The following ZBTB20 variants were observed in gnomAD, a reference collection of about 807,000 sequenced individuals.
The protein encoded by ZBTB20 is zinc finger and BTB domain containing 20, also known as zinc finger and BTB domain-containing protein 20.
In ZBTB20, 9 loss-of-function variants were observed where a neutral mutation model predicts 56.9. The observed-to-expected ratio is 0.16, with a 90% CI of 0.10 to 0.28. The LOEUF (loss-of-function observed/expected upper bound fraction) is 0.28, where lower values mean the gene tolerates loss of function less well. ZBTB20 is among the 10% of genes least tolerant of loss of function. The pLI, the probability that ZBTB20 is intolerant of heterozygous loss-of-function variation, is 1.00. For missense variants in ZBTB20, 655 were observed against 1,003.0 expected (o/e 0.65, Z 4.69); for synonymous variants, 417 against 420.7 (o/e 0.99, Z 0.11).
At chr3:114,864,918 C>A (rs2075700295) in intron 4 of ZBTB20, among the ~76,000 whole-genome samples, 1 of 152,022 alleles carries the variant, frequency 6.6e-6, no homozygotes, top group Admixed American at 6.6e-5. Flanking sequence ...CCCTTTACGG[C>A]TGCCCTTAAT....
At chr3:114,502,868 G>A (rs1426900344) in intron 6 of ZBTB20, 2 of 147,772 alleles carry the variant, frequency 1.4e-5, no homozygotes, top group Non-Finnish European at 3.0e-5. Flanking sequence ...CTCTAACCTT[G>A]GGGAGAAGAA....
intron 7 of ZBTB20, among the ~76,000 whole-genome samples, chr3:114,433,082 T>C (rs907547670): frequency 6.6e-6 from 1 of 152,108 alleles, no homozygotes; most frequent in South Asian, 2.1e-4. Flanking sequence ...ATTAAAATAG[T>C]TTTACGTAGA....
chr3:114,385,843 G>C (rs556417092), intron 8 of ZBTB20, among the ~76,000 whole-genome samples: 5 of 152,172 alleles, frequency 3.3e-5, no homozygotes, highest in South Asian at 2.1e-4. Context: ...ACTGCAGCCT[G>C]GAGCAAGAAA....
Position 114,339,674 on chromosome 3 carries a change from G to T in ZBTB20, c.1805-248C>A, listed in dbSNP as rs2079616370. On this transcript the variant is annotated intron_variant, in intron 11 of 11. Coordinates refer to ENST00000675478, the MANE Select transcript of ZBTB20 (RefSeq NM_001348800.3). The surrounding 1 kb of genome is among the most constrained non-coding windows in gnomAD (Gnocchi z 4.2). ...TTCCATTTCCCTGTGCCATAAAACGGCTTTCTTGGAAAGCTACCAGATATT... is the reference window on the plus strand; with the variant it reads ...TTCCATTTCCCTGTGCCATAAAACGTCTTTCTTGGAAAGCTACCAGATATT... Among the ~76,000 whole-genome samples, 1 of 152,150 alleles carries T rather than the reference G, an allele frequency of 6.6e-6. No homozygotes were observed. The highest frequency in any genetic ancestry group is 1.5e-5 in the Non-Finnish European group (1 of 68,020).
intron 5 of ZBTB20, among the ~76,000 whole-genome samples, chr3:114,715,986 C>A (rs2064451981): frequency 6.6e-6 from 1 of 152,200 alleles, no homozygotes; most frequent in African/African-American, 2.4e-5. Flanking sequence ...ACCTCTGAGG[C>A]CCGTGGCCTC....
intron 6 of ZBTB20, among the ~76,000 whole-genome samples, chr3:114,535,542 A>C (rs1178168321): frequency 6.6e-6 from 1 of 152,192 alleles, no homozygotes; most frequent in South Asian, 2.1e-4. Context: ...ACGAATTCAC[A>C]GCTGAATTCT....
chr3:115,096,642 C>G (rs893332003), intron 1 of ZBTB20, among the ~76,000 whole-genome samples: 5 of 152,202 alleles, frequency 3.3e-5, no homozygotes, highest in African/African-American at 1.2e-4. Flanking sequence ...GCTGCTGCTT[C>G]AACATACCTT....
chr3:114,378,091 T>C (rs1474405023), intron 10 of ZBTB20, among the ~76,000 whole-genome samples: 1 of 151,828 alleles, frequency 6.6e-6, no homozygotes, highest in African/African-American at 2.4e-5. Flanking sequence ...GAATGACATT[T>C]GAAAGTAAAA....
chr3:114,616,181 C>A (rs1393097434), intron 6 of ZBTB20, among the ~76,000 whole-genome samples: 1 of 152,150 alleles, frequency 6.6e-6, no homozygotes, highest in Non-Finnish European at 1.5e-5. Context: ...TCAATTCTAC[C>A]ATAATTTACA....
intron 4 of ZBTB20, among the ~76,000 whole-genome samples, chr3:114,831,238 G>A (rs564356063): frequency 7.9e-5 from 12 of 151,560 alleles, no homozygotes; most frequent in South Asian, 4.2e-4. Context: ...ATTTCTAAGC[G>A]TTTATGCAAC....
chr3:114,428,924 G>T (rs1419524318), intron 7 of ZBTB20, among the ~76,000 whole-genome samples: 1 of 152,176 alleles, frequency 6.6e-6, no homozygotes, highest in Admixed American at 6.5e-5. Flanking sequence ...TTTACAGATA[G>T]ATTTGGGGCT....
intron 6 of ZBTB20, among the ~76,000 whole-genome samples, chr3:114,533,477 A>T (rs967880838): frequency 1.3e-5 from 2 of 152,176 alleles, no homozygotes; most frequent in African/African-American, 4.8e-5. Context: ...CCTCCAAGAA[A>T]TATGGGACTA....
intron 6 of ZBTB20, among the ~76,000 whole-genome samples, chr3:114,605,282 C>T (rs1490594324): frequency 6.6e-6 from 1 of 152,112 alleles, no homozygotes; most frequent in African/African-American, 2.4e-5. Context: ...ATTGAGAATG[C>T]CATCTAGAAC....
At chr3:114,349,237 A>G (rs988462169) in intron 11 of ZBTB20, among the ~76,000 whole-genome samples, 2 of 151,828 alleles carry the variant, frequency 1.3e-5, no homozygotes, top group Non-Finnish European at 2.9e-5. Context: ...AAATATAATG[A>G]TCATCACTGT....
At chr3:114,447,858 A>G (rs2091361886) in intron 7 of ZBTB20, among the ~76,000 whole-genome samples, 1 of 152,156 alleles carries the variant, frequency 6.6e-6, no homozygotes, top group African/African-American at 2.4e-5. Context: ...CTTTGAGCCT[A>G]ATGCCATTTG....
intron 4 of ZBTB20, among the ~76,000 whole-genome samples, chr3:114,880,615 T>A (rs2076364248): frequency 6.6e-6 from 1 of 152,182 alleles, no homozygotes; most frequent in African/African-American, 2.4e-5. Flanking sequence ...TAAAAAAGAT[T>A]GTCACAATAA....
At chr3:114,454,344 G>A (rs2091868678) in intron 7 of ZBTB20, among the ~76,000 whole-genome samples, 1 of 151,592 alleles carries the variant, frequency 6.6e-6, no homozygotes, top group African/African-American at 2.4e-5. Flanking sequence ...ACCCCCCAGG[G>A]GTGCACAAAG....
At chr3:115,046,490 T>C (rs1357324451) in intron 2 of ZBTB20, among the ~76,000 whole-genome samples, 5 of 152,174 alleles carry the variant, frequency 3.3e-5, no homozygotes, top group Admixed American at 6.5e-5. Context: ...TGTACCAAAA[T>C]TAATATTCTA....
At position 114,497,703 on chromosome 3, in the gene ZBTB20, T is replaced by A. The variant is rs575516788; in HGVS notation, c.-255+2649A>T. ...GCTATAGTCTTTATTCACTTATGTA[T>A]CTCCCCTATCAGACTGAGATTTCTA... is the stretch of plus-strand genomic sequence containing the variant. On this transcript the variant is annotated intron_variant, in intron 7 of 11. Coordinates refer to ENST00000675478, the MANE Select transcript of ZBTB20 (RefSeq NM_001348800.3). 7.9e-5 allele frequency among the ~76,000 whole-genome samples: 12 copies of A among 152,328 alleles called. No individual in the cohort carries two copies. The South Asian group carries it at 8.3e-4, about 11-fold the overall frequency.
Sources: gnomAD v4.1 joint callset for allele counts (sites outside exome capture counted in the v4.1 genomes callset) on GRCh38, gnomAD v4.1.1 for gene constraint, Gnocchi (gnomAD v3.1) non-coding constraint, MANE v1.5 for transcripts, NCBI Gene and HGNC (gene_info 2026-07-23, HGNC 2026-07-21) for gene names.